The following FAM117A variants were observed in gnomAD, a reference collection of about 807,000 sequenced individuals.
FAM117A encodes the protein protein FAM117A.
Under a neutral mutation model 44.1 loss-of-function variants are expected in FAM117A, and 21 were observed. That is an observed-to-expected ratio of 0.48 (90% confidence interval 0.34 to 0.69). The LOEUF (loss-of-function observed/expected upper bound fraction) is 0.69, where lower values mean the gene tolerates loss of function less well. FAM117A is among the 30% of genes least tolerant of loss of function. The pLI is 0.01. For synonymous variants in FAM117A, 220 were observed against 238.3 expected (o/e 0.92, Z 0.71); for missense variants, 498 against 589.9 (o/e 0.84, Z 1.61).
rs1028216488 is a variant in FAM117A, at chr17:49,736,343, G to A, written c.197-3623C>T. Among the ~76,000 whole-genome samples, 7 of 150,722 alleles carry A rather than the reference G, an allele frequency of 4.6e-5. No homozygotes were observed. The East Asian group carries it at 1.2e-3, about 25-fold the overall frequency. ...ACAAGCTCGGCTTACTGCAAGCTCC[G>A]CCTCCCAGGTTCACACCATTCTCCT... On this transcript the variant is annotated intron_variant, in intron 1 of 7. Transcript: ENST00000240364.
chr17:49,718,173 C>T lies in FAM117A; in HGVS notation c.709-459G>A, dbSNP rs1265142752. On this transcript the variant is annotated intron_variant, in intron 5 of 7. Transcript: ENST00000240364. ...TAGCATGTGTTACATACCTCCTCAC[C>T]CCCTTTTAAAAACACTCAATGGTAC... 3 of 153,084 alleles carry T rather than the reference C, an allele frequency of 2.0e-5. No individual in the cohort carries two copies. In the Admixed American group the frequency reaches 2.0e-4, roughly 10 times the overall value. The allele number at this position is 153,084 out of a possible 1,614,324, so 9.5% of individuals were successfully genotyped here.
At chr17:49,725,168 C>T (rs1410993375) in intron 2 of FAM117A, among the ~76,000 whole-genome samples, 1 of 152,260 alleles carries the variant, frequency 6.6e-6, no homozygotes, top group Non-Finnish European at 1.5e-5. Flanking sequence ...CGATCTAAGA[C>T]GGCCTGCCCG....
chr17:49,763,817 GTCCCCCTCCCGCGGTCACGCGCCCCCCC>G, intron 1 of FAM117A, 47 bp downstream of exon 1: 4 of 52,988 alleles, frequency 7.5e-5, no homozygotes, highest in Non-Finnish European at 1.3e-4. Flanking sequence ...ACTTCTCCCC[GTCCCCCTCCCGCGGTCACGCGCCCCCCC>G]TCCCCCAATG....
In FAM117A at chr17:49,732,657, C is replaced by T. The variant is rs202016558; in HGVS notation, c.260G>A (p.Arg87Gln). 1.3e-5 allele frequency: 21 copies of T among 1,613,944 alleles called. No individual in the cohort carries two copies. The highest frequency in any genetic ancestry group is 2.2e-5 in the East Asian group (1 of 44,888). ...SVCRPQPLQV[R>Q]RTFSLDTILS... The stretch of plus-strand genomic sequence containing the variant: ...GATGGTGTCCAGGGAGAATGTACGC[C>T]GGACCTGAAGTGGCTGAGGCCTACA... Residue 87 changes from arginine (R) to glutamine (Q), a missense_variant, in exon 2 of 8, where the codon CGG becomes CAG. Transcript: ENST00000240364.
At chr17:49,789,038 G>A (rs543481804), upstream of FAM117A, 14 of 454,398 alleles carry the variant, frequency 3.1e-5, 1 homozygote, top group South Asian at 7.2e-4. Flanking sequence ...GCCTATGCTT[G>A]CAACTATTCC....
upstream of FAM117A, among the ~76,000 whole-genome samples, chr17:49,767,710 C>T (rs1395503821): frequency 2.0e-5 from 3 of 152,118 alleles, no homozygotes; most frequent in Non-Finnish European, 4.4e-5. Context: ...CAAGACCAGC[C>T]TGGCCAAGAT....
At chr17:49,756,619 A>G (rs1005191199) in intron 1 of FAM117A, among the ~76,000 whole-genome samples, 1 of 151,974 alleles carries the variant, frequency 6.6e-6, no homozygotes, top group Non-Finnish European at 1.5e-5. Context: ...TCAAAAAAAA[A>G]AAAAAAGAGA....
chr17:49,758,634 AAATAAAATAAATAAAT>A (rs1282676310), intron 1 of FAM117A, among the ~76,000 whole-genome samples: 2 of 109,504 alleles, frequency 1.8e-5, no homozygotes, highest in South Asian at 6.0e-4. Flanking sequence ...AAAAAAAAAA[AAATAAAATAAATAAAT>A]AAATAAATAA....
chr17:49,769,492 A>T (rs2143794752), intron 1 of FAM117A, among the ~76,000 whole-genome samples: 1 of 150,722 alleles, frequency 6.6e-6, no homozygotes, highest in East Asian at 2.0e-4. Flanking sequence ...AGGTCAGGAG[A>T]TCGAGACCAT....
At chr17:49,712,948 C>T (rs2073485351) in intron 7 of FAM117A, among the ~76,000 whole-genome samples, 1 of 152,324 alleles carries the variant, frequency 6.6e-6, no homozygotes, top group Admixed American at 6.5e-5. Context: ...GTGATCATAG[C>T]TCACTGCAGC....
At chr17:49,726,587 T>A (rs1364507741) in intron 2 of FAM117A, among the ~76,000 whole-genome samples, 1 of 151,922 alleles carries the variant, frequency 6.6e-6, no homozygotes, top group East Asian at 1.9e-4. Flanking sequence ...GTGCCCAGAG[T>A]GGGGACTGTG....
At position 49,721,970 on chromosome 17, in the gene FAM117A, G is replaced by A. The variant is rs1291699745; in HGVS notation, c.462+529C>T. Among the ~76,000 whole-genome samples the A allele has an allele frequency of 2.6e-5, 4 of 152,040 alleles. 1 individual carries two copies. Among genetic ancestry groups the A allele is most frequent in the Non-Finnish European group, 5.9e-5 (4 of 67,994 alleles). ...AAAAATTAGGTGGCTGTGGTGGTGG[G>A]TGCCTGTAATCTAAGCTACTTAGGA... On this transcript the variant is annotated intron_variant, in intron 3 of 7. Coordinates refer to ENST00000240364, the MANE Select transcript of FAM117A (RefSeq NM_030802.4).
At chr17:49,770,901 C>T (rs2073759191) in intron 1 of FAM117A, among the ~76,000 whole-genome samples, 1 of 148,642 alleles carries the variant, frequency 6.7e-6, no homozygotes, top group Non-Finnish European at 1.5e-5. Flanking sequence ...GAGACCCTGT[C>T]TCAAAAAAAT....
At chr17:49,712,337 T>G (rs1371473638) in intron 7 of FAM117A, among the ~76,000 whole-genome samples, 1 of 152,138 alleles carries the variant, frequency 6.6e-6, no homozygotes, top group Non-Finnish European at 1.5e-5. Flanking sequence ...TGTAAGATGC[T>G]TAACAGTGTC....
intron 1 of FAM117A, among the ~76,000 whole-genome samples, chr17:49,756,200 T>C (rs187876099): frequency 1.1e-4 from 16 of 152,216 alleles, no homozygotes; most frequent in African/African-American, 3.9e-4. Context: ...ATTCAAAACA[T>C]CCCAGTAGTT....
At chr17:49,735,012 A>G (rs1344680787) in intron 1 of FAM117A, among the ~76,000 whole-genome samples, 3 of 152,140 alleles carry the variant, frequency 2.0e-5, no homozygotes, top group Non-Finnish European at 4.4e-5. Flanking sequence ...TAGGAGGAGG[A>G]GGGGGAGTAG....
intron 1 of FAM117A, among the ~76,000 whole-genome samples, chr17:49,759,738 C>A (rs557359738): frequency 1.1e-4 from 17 of 152,264 alleles, no homozygotes; most frequent in African/African-American, 4.1e-4. Context: ...CAAAGCATTG[C>A]AAAGAAAGGA....
chr17:49,755,546 C>T (rs966554884), intron 1 of FAM117A, among the ~76,000 whole-genome samples: 2 of 152,156 alleles, frequency 1.3e-5, no homozygotes, highest in Admixed American at 6.5e-5. Flanking sequence ...TTCCATGGAT[C>T]GACCTGGTAA....
intron 1 of FAM117A, among the ~76,000 whole-genome samples, chr17:49,733,959 G>A (rs113721809): frequency 2.1e-3 from 312 of 150,770 alleles, no homozygotes; most frequent in African/African-American, 6.8e-3. Flanking sequence ...TAGCTAACAC[G>A]GTGAAGCCGC....
Sources: allele counts gnomAD v4.1 joint callset (sites outside exome capture counted in the v4.1 genomes callset), GRCh38; gene constraint gnomAD v4.1.1; transcripts MANE v1.5; gene names NCBI Gene and HGNC (gene_info 2026-07-23, HGNC 2026-07-21).